Variants in RIN2 observed in about 807,000 individuals in gnomAD.
The protein encoded by RIN2 is Ras and Rab interactor 2.
A neutral mutation model predicts 78.0 loss-of-function variants in RIN2; 36 were observed. The observed-to-expected ratio is 0.46, with a 90% CI of 0.35 to 0.61. The LOEUF is 0.61. Among genes scored for constraint, RIN2 ranks in the 20% least tolerant of loss-of-function variants. The pLI is 0.00. For synonymous variants in RIN2, 466 were observed against 466.8 expected, an observed-to-expected ratio of 1.00 and a Z score of 0.02; for missense variants, 1,087 against 1,159.7, an observed-to-expected ratio of 0.94 and a Z score of 0.91.
chr20:19,782,728 T>A (rs1216339366), intron 1 of RIN2, among the ~76,000 whole-genome samples: 1 of 152,196 alleles, frequency 6.6e-6, no homozygotes, highest in African/African-American at 2.4e-5. Context: ...CTACTTGGCA[T>A]GAACCAAACT....
At chr20:19,804,411 A>G (rs950601355) in intron 2 of RIN2, among the ~76,000 whole-genome samples, 1 of 152,142 alleles carries the variant, frequency 6.6e-6, no homozygotes, top group African/African-American at 2.4e-5. Context: ...ACATAAAGGG[A>G]TGTGGAGTTC....
At chr20:19,825,709 A>G (rs894419102) in intron 2 of RIN2, among the ~76,000 whole-genome samples, 1 of 152,092 alleles carries the variant, frequency 6.6e-6, no homozygotes, top group Non-Finnish European at 1.5e-5. Context: ...GATTTGGGCA[A>G]CTCTGTCACT....
At chr20:19,856,844 C>G (rs908788211) in intron 2 of RIN2, among the ~76,000 whole-genome samples, 1 of 152,098 alleles carries the variant, frequency 6.6e-6, no homozygotes, top group Non-Finnish European at 1.5e-5. Flanking sequence ...TGAACTGATT[C>G]CAAATCTTGC....
At chr20:19,809,406 G>A (rs1303725314) in intron 2 of RIN2, 1 of 152,782 alleles carries the variant, frequency 6.5e-6, no homozygotes, top group Non-Finnish European at 1.5e-5. Flanking sequence ...GAGGATGGTG[G>A]AGACCATGTG....
intron 2 of RIN2, among the ~76,000 whole-genome samples, chr20:19,851,057 A>AAAGGAAGGAAGGAAGGAAGG (rs142938284): frequency 3.8e-4 from 50 of 132,608 alleles, no homozygotes; most frequent in African/African-American, 1.5e-3. Context: ...AAGGAGAAAG[A>AAAGGAAGGAAGGAAGGAAGG]AAGGAAGGAA....
At chr20:19,810,505 A>G (rs7266076) in intron 2 of RIN2, among the ~76,000 whole-genome samples, 34,217 of 151,758 alleles carry the variant, frequency 0.23, 5,849 homozygotes, top group African/African-American at 0.48. Flanking sequence ...CAGAGCACCT[A>G]CCGATTTGAT....
chr20:19,969,576 T>G (rs1356139833), intron 7 of RIN2, among the ~76,000 whole-genome samples: 2 of 152,184 alleles, frequency 1.3e-5, no homozygotes. Flanking sequence ...TCTCATAGAT[T>G]CTGTAAATTG....
At chr20:19,896,781 A>G (rs1287331883) in intron 3 of RIN2, among the ~76,000 whole-genome samples, 2 of 152,242 alleles carry the variant, frequency 1.3e-5, no homozygotes, top group East Asian at 3.8e-4. Context: ...CAATAGCACC[A>G]TAGAAAACAA....
At chr20:19,892,369 C>G (rs146246459) in intron 3 of RIN2, among the ~76,000 whole-genome samples, 3,844 of 152,180 alleles carry the variant, frequency 0.025, 177 homozygotes, top group African/African-American at 0.088. Context: ...GTGCCTGCCA[C>G]CACACCCAGC....
chr20:19,942,033 CT>C (rs2040892023), intron 4 of RIN2, among the ~76,000 whole-genome samples: 1 of 149,978 alleles, frequency 6.7e-6, no homozygotes, highest in South Asian at 2.1e-4. Context: ...TTGCTTGAAC[CT>C]GAAAGATGGA....
At chr20:19,888,311 C>T (rs903091101) in intron 2 of RIN2, among the ~76,000 whole-genome samples, 4 of 152,110 alleles carry the variant, frequency 2.6e-5, no homozygotes, top group African/African-American at 9.7e-5. Context: ...GGGTGTAAAT[C>T]GTGGGGCCGA....
chr20:19,792,372 G>A (rs776776647), intron 1 of RIN2, among the ~76,000 whole-genome samples: 1 of 152,202 alleles, frequency 6.6e-6, no homozygotes, highest in Non-Finnish European at 1.5e-5. Flanking sequence ...GCCTCATAGT[G>A]TCATTTCTCG....
chr20:19,888,796 G>C (rs1333215409), intron 2 of RIN2, among the ~76,000 whole-genome samples: 1 of 152,250 alleles, frequency 6.6e-6, no homozygotes, highest in Non-Finnish European at 1.5e-5. Flanking sequence ...GTGTGTGTAT[G>C]TTTAACTTAG....
chr20:19,919,361 A>C (rs769434157), intron 3 of RIN2, among the ~76,000 whole-genome samples: 1 of 152,244 alleles, frequency 6.6e-6, no homozygotes, highest in East Asian at 1.9e-4. Flanking sequence ...CCTGAGCTCT[A>C]TGAAGACATA....
intron 2 of RIN2, among the ~76,000 whole-genome samples, chr20:19,858,414 C>T (rs981960339): frequency 6.6e-6 from 1 of 152,202 alleles, no homozygotes; most frequent in Admixed American, 6.5e-5. Flanking sequence ...GCCTTTGAGT[C>T]TGGGTAACCT....
chr20:19,813,680 A>C (rs904794887), intron 2 of RIN2, among the ~76,000 whole-genome samples: 1 of 152,332 alleles, frequency 6.6e-6, no homozygotes, highest in East Asian at 1.9e-4. Context: ...GTAGCTTTTA[A>C]AATTTATGTC....
intron 1 of RIN2, among the ~76,000 whole-genome samples, chr20:19,775,390 G>A (rs1190921406): frequency 1.3e-5 from 2 of 152,192 alleles, no homozygotes; most frequent in African/African-American, 4.8e-5. Context: ...GGCCCCCATT[G>A]AAGTCGGTAT....
intron 2 of RIN2, among the ~76,000 whole-genome samples, chr20:19,886,070 T>C (rs1178226143): frequency 6.6e-6 from 1 of 152,234 alleles, no homozygotes; most frequent in Non-Finnish European, 1.5e-5. Flanking sequence ...TCTCAAGCTC[T>C]GTATCTTGCC....
At chr20:19,865,874 A>G (rs2037490523) in intron 2 of RIN2, among the ~76,000 whole-genome samples, 1 of 152,146 alleles carries the variant, frequency 6.6e-6, no homozygotes, top group African/African-American at 2.4e-5. Context: ...ATTTGCATAC[A>G]TATAATAGAA....
Sources: gnomAD v4.1 joint callset for allele counts (sites outside exome capture counted in the v4.1 genomes callset) on GRCh38, gnomAD v4.1.1 for gene constraint, MANE v1.5 for transcripts, NCBI Gene and HGNC (gene_info 2026-07-23, HGNC 2026-07-21) for gene names.